SRRM4: variants seen among roughly 807,000 people sequenced by gnomAD.
SRRM4 encodes the protein serine/arginine repetitive matrix 4.
In SRRM4, 33 loss-of-function variants were observed where a neutral mutation model predicts 68.9. The observed-to-expected ratio is 0.48, with a 90% CI of 0.36 to 0.64. The LOEUF (loss-of-function observed/expected upper bound fraction) is 0.64, where lower values mean the gene tolerates loss of function less well. Among genes scored for constraint, SRRM4 ranks in the 30% least tolerant of loss-of-function variants. SRRM4 has a pLI of 0.00. For missense variants in SRRM4, 817 were observed against 827.1 expected (o/e 0.99, Z 0.15); for synonymous variants, 318 against 318.8 (o/e 1.00, Z 0.03).
At chr12:119,015,384 G>A (rs988425063) in intron 1 of SRRM4, among the ~76,000 whole-genome samples, 1 of 152,076 alleles carries the variant, frequency 6.6e-6, no homozygotes, top group African/African-American at 2.4e-5. Context: ...TCCAAGCTGC[G>A]CTGCATGCAA....
intron 1 of SRRM4, among the ~76,000 whole-genome samples, chr12:118,984,951 A>G (rs1282377979): frequency 1.3e-5 from 2 of 152,168 alleles, no homozygotes; most frequent in African/African-American, 4.8e-5. Flanking sequence ...TAGAAATAAT[A>G]ACAGTAACCC....
chr12:119,067,712 A>C (rs1032609878), intron 1 of SRRM4, among the ~76,000 whole-genome samples: 22 of 152,122 alleles, frequency 1.4e-4, no homozygotes, highest in Non-Finnish European at 3.1e-4. Flanking sequence ...CATTTCAAAA[A>C]TAAATAAATA....
chr12:119,071,322 G>A (rs1023102231), intron 1 of SRRM4, among the ~76,000 whole-genome samples: 1 of 152,180 alleles, frequency 6.6e-6, no homozygotes, highest in African/African-American at 2.4e-5. Flanking sequence ...ACACAGATGT[G>A]TGTTGGAATC....
At chr12:119,040,505 A>G (rs1953660981) in intron 1 of SRRM4, among the ~76,000 whole-genome samples, 1 of 152,242 alleles carries the variant, frequency 6.6e-6, no homozygotes, top group African/African-American at 2.4e-5. Context: ...AGTCTCATCC[A>G]GGTCATTGCA....
chr12:119,059,739 G>T (rs1478942189), intron 1 of SRRM4, among the ~76,000 whole-genome samples: 1 of 152,180 alleles, frequency 6.6e-6, no homozygotes, highest in East Asian at 1.9e-4. Context: ...CATATCTCAT[G>T]TCGCTGCTAC....
chr12:119,137,222 G>T (rs1019004526), intron 8 of SRRM4, among the ~76,000 whole-genome samples: 1 of 151,724 alleles, frequency 6.6e-6, no homozygotes, highest in Non-Finnish European at 1.5e-5. Context: ...ATGTATAGCC[G>T]CCTCTCTCTA....
At chr12:119,035,661 G>A (rs1953622055) in intron 1 of SRRM4, among the ~76,000 whole-genome samples, 1 of 152,088 alleles carries the variant, frequency 6.6e-6, no homozygotes, top group African/African-American at 2.4e-5. Context: ...ATTTTTAACT[G>A]GGTCAAGTTG....
At chr12:119,107,275 T>A (rs11613980) in intron 2 of SRRM4, among the ~76,000 whole-genome samples, 11,727 of 152,220 alleles carry the variant, frequency 0.077, 501 homozygotes, top group Admixed American at 0.1. Context: ...TGGGTCTAAA[T>A]TTCTCTTTTT....
intron 1 of SRRM4, among the ~76,000 whole-genome samples, chr12:118,989,255 A>T (rs1953301291): frequency 6.6e-6 from 1 of 152,182 alleles, no homozygotes; most frequent in Admixed American, 6.5e-5. Flanking sequence ...CAGCAATATC[A>T]GAAGATTGGC....
At chr12:119,126,368 C>T (rs931541491) in intron 7 of SRRM4, among the ~76,000 whole-genome samples, 3 of 152,072 alleles carry the variant, frequency 2.0e-5, no homozygotes, top group Non-Finnish European at 4.4e-5. Context: ...TCTCTACAAC[C>T]GTAACAAGTG....
At position 119,161,282 on chromosome 12, in the gene SRRM4, A is replaced by G. The variant is rs1954512220; in HGVS notation, c.*4484A>G. 6.6e-6 allele frequency: 1 copy of G among 152,252 alleles called. No homozygotes were observed. The highest frequency in any genetic ancestry group is 2.4e-5 in the African/African-American group (1 of 41,460). The allele number at this position is 152,252 out of a possible 1,614,324, so 9.4% of individuals were successfully genotyped here. A position where few individuals can be genotyped will look rare whatever the true frequency, so the allele number is the denominator to read the frequency against. ...TCTCAGTAAAACGAAGTCAAAAAAC[A>G]GGATTCCTCCAAACATGCCTCCTCC... On this transcript the variant is annotated 3_prime_UTR_variant, in exon 13 of 13. Transcript: ENST00000267260.
At chr12:119,113,395 G>T (rs1313127593) in intron 2 of SRRM4, among the ~76,000 whole-genome samples, 2 of 152,288 alleles carry the variant, frequency 1.3e-5, no homozygotes, top group African/African-American at 2.4e-5. Flanking sequence ...CATTCTAATT[G>T]TCTAGCCATC....
chr12:118,982,100 G>A, intron 1 of SRRM4, 87 bp downstream of exon 1: 3 of 1,473,748 alleles, frequency 2.0e-6, no homozygotes, highest in Non-Finnish European at 2.7e-6. Context: ...GATGCAGGCA[G>A]CCGGGCCAGG....
intron 1 of SRRM4, among the ~76,000 whole-genome samples, chr12:119,059,750 C>T (rs1012080114): frequency 1.3e-5 from 2 of 152,160 alleles, no homozygotes; most frequent in Non-Finnish European, 2.9e-5. Flanking sequence ...TCGCTGCTAC[C>T]CTGGCTCTTG....
intron 1 of SRRM4, among the ~76,000 whole-genome samples, chr12:119,010,207 C>G (rs923317486): frequency 2.6e-5 from 4 of 152,208 alleles, no homozygotes; most frequent in African/African-American, 4.8e-5. Context: ...CACCCACCAC[C>G]ACGCCCGGCT....
intron 4 of SRRM4, among the ~76,000 whole-genome samples, chr12:119,117,231 C>T (rs1022546363): frequency 6.6e-6 from 1 of 152,140 alleles, no homozygotes; most frequent in Admixed American, 6.5e-5. Context: ...TATAAAGAAG[C>T]AGGAGTGACT....
intron 1 of SRRM4, among the ~76,000 whole-genome samples, chr12:119,017,193 G>A (rs938065729): frequency 6.6e-5 from 10 of 152,192 alleles, no homozygotes; most frequent in African/African-American, 2.4e-4. Flanking sequence ...GTAGCTGATT[G>A]ATAAGTCTTC....
At chr12:119,091,140 A>G (rs73211886) in intron 1 of SRRM4, among the ~76,000 whole-genome samples, 12,321 of 152,232 alleles carry the variant, frequency 0.081, 559 homozygotes, top group African/African-American at 0.11. Context: ...TCTGCAGAGC[A>G]GAAAGTCCTA....
At chr12:119,131,911 G>T (rs995859908) in intron 8 of SRRM4, among the ~76,000 whole-genome samples, 1 of 152,190 alleles carries the variant, frequency 6.6e-6, no homozygotes, top group Non-Finnish European at 1.5e-5. Context: ...CTAAGGAAGG[G>T]TGAGGTGGAA....
Sources: gnomAD v4.1 joint callset for allele counts (sites outside exome capture counted in the v4.1 genomes callset) on GRCh38, gnomAD v4.1.1 for gene constraint, MANE v1.5 for transcripts, NCBI Gene and HGNC (gene_info 2026-07-23, HGNC 2026-07-21) for gene names.